DLG1: variants seen among roughly 807,000 people sequenced by gnomAD.
The protein encoded by DLG1 is discs large MAGUK scaffold protein 1, also known as disks large homolog 1.
A neutral mutation model predicts 123.4 loss-of-function variants in DLG1; 42 were observed. That is an observed-to-expected ratio of 0.34 (90% CI 0.27 to 0.44). The LOEUF (loss-of-function observed/expected upper bound fraction) is 0.44. DLG1 is among the 20% of genes least tolerant of loss of function. The pLI is 1.00. For missense variants in DLG1, 942 were observed against 1,082.6 expected (o/e 0.87, Z 1.82); for synonymous variants, 317 against 356.2 (o/e 0.89, Z 1.24).
At chr3:197,200,746 T>G (rs1040965806) in intron 4 of DLG1, among the ~76,000 whole-genome samples, 1 of 152,006 alleles carries the variant, frequency 6.6e-6, no homozygotes, top group Non-Finnish European at 1.5e-5. Flanking sequence ...CAGACTCACC[T>G]CAACAGACTC....
intron 4 of DLG1, among the ~76,000 whole-genome samples, chr3:197,227,770 TGA>T (rs1256687737): frequency 2.6e-5 from 4 of 151,938 alleles, no homozygotes; most frequent in African/African-American, 9.7e-5. Context: ...GTATAAGGGG[TGA>T]GAGAGAGAAA....
chr3:197,256,590 A>G (rs1417538414), intron 4 of DLG1, among the ~76,000 whole-genome samples: 1 of 152,252 alleles, frequency 6.6e-6, no homozygotes, highest in Non-Finnish European at 1.5e-5. Context: ...AAGATTTAAT[A>G]GTGATTTAAA....
At chr3:197,207,589 G>GT (rs773224661) in intron 4 of DLG1, among the ~76,000 whole-genome samples, 3 of 152,118 alleles carry the variant, frequency 2.0e-5, no homozygotes, top group South Asian at 2.1e-4. Flanking sequence ...TAGATAAGGA[G>GT]TAAGTGTGCA....
At chr3:197,199,280 T>A (rs1031622214) in intron 4 of DLG1, among the ~76,000 whole-genome samples, 31 of 152,172 alleles carry the variant, frequency 2.0e-4, no homozygotes, top group African/African-American at 7.2e-4. Flanking sequence ...AGGTTGAGCA[T>A]CCCTAATCTG....
chr3:197,140,179 A>C lies in DLG1; in HGVS notation c.674T>G (p.Ile225Ser). The C allele has an allele frequency of 6.2e-7, 1 of 1,613,506 alleles. No individual in the cohort carries two copies. ...TTGGGCGGCTGCTCCCCCTGTGATA[A>C]TTTTGGTAATGAAAATACTTGAGTC... ...GDDSSIFITKIITGGAAAQDG... is the reference protein window; with the variant it reads ...GDDSSIFITKSITGGAAAQDG... Residue 225 changes from isoleucine (I) to serine (S), a missense_variant, in exon 8 of 25, where the codon ATT (isoleucine) becomes AGT (serine). Coordinates refer to ENST00000667157, the MANE Select transcript of DLG1 (RefSeq NM_001366207.1).
chr3:197,278,358 T>A (rs1316055234), intron 4 of DLG1, among the ~76,000 whole-genome samples: 2 of 141,448 alleles, frequency 1.4e-5, no homozygotes, highest in African/African-American at 2.6e-5. Context: ...TAGGCCCAGC[T>A]ACTCAGTAGG....
chr3:197,062,112 T>G (rs558507233), intron 22 of DLG1, among the ~76,000 whole-genome samples: 1 of 152,194 alleles, frequency 6.6e-6, no homozygotes, highest in South Asian at 2.1e-4. Flanking sequence ...ATGATGGGAG[T>G]TACGTCCCAA....
intron 16 of DLG1, among the ~76,000 whole-genome samples, chr3:197,084,083 A>G (rs1752758624): frequency 6.6e-6 from 1 of 152,198 alleles, no homozygotes; most frequent in African/African-American, 2.4e-5. Context: ...AAGGAAAAAG[A>G]GAAGTGAAGC....
rs1244787547 is a variant in DLG1 at position 197,136,498 on chromosome 3, AG to A, written c.1020+43del. Reference sequence around the variant, plus strand: ...TCCAGTATCTATCAGAAAAATAAACAGACTACAAAATGATTTAAAAGACAAT... The same window carrying A: ...TCCAGTATCTATCAGAAAAATAAACAACTACAAAATGATTTAAAAGACAAT... On this transcript the variant is annotated intron_variant, in intron 10 of 24. Transcript: ENST00000667157. 2.0e-6 allele frequency: 3 copies of A among 1,530,178 alleles called. No homozygotes were observed. In the African/African-American group the frequency reaches 4.1e-5, roughly 21 times the overall value. 94.8% of individuals were successfully genotyped at this position (1,530,178 alleles called of 1,614,324 possible).
chr3:197,090,853 A>T, intron 15 of DLG1, 59 bp downstream of exon 15: 1 of 1,043,356 alleles, frequency 9.6e-7, no homozygotes. Flanking sequence ...GAAAAATACA[A>T]AATAATTTAC....
At chr3:197,258,793 T>C (rs927683008) in intron 4 of DLG1, among the ~76,000 whole-genome samples, 1 of 152,214 alleles carries the variant, frequency 6.6e-6, no homozygotes, top group Non-Finnish European at 1.5e-5. Context: ...TTAAATATGT[T>C]CAAAGGGTTT....
intron 10 of DLG1, 71 bp from the exon 11 acceptor site, chr3:197,130,742 A>C (rs950023199): frequency 7.9e-7 from 1 of 1,264,476 alleles, no homozygotes; most frequent in Non-Finnish European, 1.1e-6. Flanking sequence ...AATTTCACGA[A>C]AAGAAAGGGA....
chr3:197,055,269 T>C (rs1730879311), intron 23 of DLG1, among the ~76,000 whole-genome samples: 1 of 152,220 alleles, frequency 6.6e-6, no homozygotes, highest in African/African-American at 2.4e-5. Flanking sequence ...TCTTGAGACT[T>C]TGTCCATGTC....
intron 5 of DLG1, among the ~76,000 whole-genome samples, chr3:197,184,414 A>C (rs1714535247): frequency 1.3e-5 from 2 of 152,244 alleles, no homozygotes; most frequent in South Asian, 4.1e-4. Context: ...TTTGTCATTC[A>C]TATCCAAATT....
At chr3:197,088,886 T>C (rs1756011359) in intron 15 of DLG1, among the ~76,000 whole-genome samples, 1 of 152,140 alleles carries the variant, frequency 6.6e-6, no homozygotes, top group South Asian at 2.1e-4. Flanking sequence ...CTCGACTGAG[T>C]CATGACAGCT....
At chr3:197,192,368 G>T (rs1180545878) in intron 5 of DLG1, among the ~76,000 whole-genome samples, 1 of 151,716 alleles carries the variant, frequency 6.6e-6, no homozygotes, top group African/African-American at 2.4e-5. Flanking sequence ...ATTTATAAAA[G>T]AATACTACTA....
chr3:197,049,154 T>A (rs1159289378), intron 24 of DLG1, among the ~76,000 whole-genome samples: 1 of 151,040 alleles, frequency 6.6e-6, no homozygotes, highest in Non-Finnish European at 1.5e-5. Context: ...CTGTCTCTAC[T>A]AAAAATACAA....
Position 197,067,502 on chromosome 3 carries a change from T to G in DLG1, c.2048-748A>C, listed in dbSNP as rs1002401597. ...AATAAAAGAGTCTACAAATTATATC[T>G]GAATATCTGAATCCAGTGAAAAGAA... On this transcript the variant is annotated intron_variant, in intron 19 of 24. Transcript: ENST00000667157. 2.7e-5 allele frequency among the ~76,000 whole-genome samples: 4 copies of G among 150,698 alleles called. No individual in the cohort carries two copies. In the South Asian group the frequency reaches 8.3e-4, roughly 31 times the overall value.
intron 14 of DLG1, among the ~76,000 whole-genome samples, chr3:197,101,581 G>A (rs544185454): frequency 4.6e-5 from 7 of 152,152 alleles, no homozygotes; most frequent in Non-Finnish European, 1.0e-4. Context: ...AGTAGAGACG[G>A]GGTTTCACCG....
Sources: gnomAD v4.1 joint callset for allele counts (sites outside exome capture counted in the v4.1 genomes callset) on GRCh38, gnomAD v4.1.1 for gene constraint, MANE v1.5 for transcripts, NCBI Gene and HGNC (gene_info 2026-07-23, HGNC 2026-07-21) for gene names.